The following ERC2 variants were observed in gnomAD, a reference collection of about 807,000 sequenced individuals.
ERC2 encodes ELKS/RAB6-interacting/CAST family member 2, also known as ERC protein 2.
ERC2 carries 42 observed loss-of-function variants against 114.8 expected under a neutral mutation model. The observed-to-expected ratio is 0.37, with a 90% CI of 0.29 to 0.47. The LOEUF (loss-of-function observed/expected upper bound fraction) is 0.47, where lower values mean the gene tolerates loss of function less well. Among genes scored for constraint, ERC2 ranks in the 20% least tolerant of loss-of-function variants. ERC2 has a pLI of 0.99. For synonymous variants in ERC2, 454 were observed against 425.5 expected (o/e 1.07, Z -0.82); for missense variants, 939 against 1,150.7 (o/e 0.82, Z 2.66).
At chr3:56,261,451 C>G (rs62253611) in intron 3 of ERC2, among the ~76,000 whole-genome samples, 2 of 152,148 alleles carry the variant, frequency 1.3e-5, no homozygotes, top group East Asian at 1.9e-4. Context: ...CCTCCCCTAC[C>G]TTTCACCCTG....
chr3:55,744,845 C>G (rs1418335591), intron 14 of ERC2, among the ~76,000 whole-genome samples: 1 of 152,190 alleles, frequency 6.6e-6, no homozygotes, highest in African/African-American at 2.4e-5. Context: ...GCAGTCAAGA[C>G]CCTCTACCGG....
At chr3:55,863,434 G>A (rs2062113471) in intron 14 of ERC2, among the ~76,000 whole-genome samples, 1 of 152,098 alleles carries the variant, frequency 6.6e-6, no homozygotes. Context: ...TTTATTTTGT[G>A]TGTTAGAGAA....
intron 1 of ERC2, among the ~76,000 whole-genome samples, chr3:56,461,509 G>A (rs913980719): frequency 2.6e-5 from 4 of 152,132 alleles, no homozygotes; most frequent in African/African-American, 9.7e-5. Flanking sequence ...AAATATTCTA[G>A]CATGGAAGTG....
intron 12 of ERC2, among the ~76,000 whole-genome samples, chr3:55,951,534 C>T (rs894691054): frequency 1.3e-5 from 2 of 152,112 alleles, no homozygotes; most frequent in Non-Finnish European, 2.9e-5. Context: ...TACTATTGCA[C>T]CAGCAGCTTT....
chr3:55,701,452 C>A (rs928705355), intron 15 of ERC2, among the ~76,000 whole-genome samples: 1 of 152,132 alleles, frequency 6.6e-6, no homozygotes, highest in African/African-American at 2.4e-5. Flanking sequence ...GGAAACACCT[C>A]ACATCCCAAT....
At chr3:55,581,093 T>G (rs2057238494) in intron 17 of ERC2, among the ~76,000 whole-genome samples, 1 of 152,174 alleles carries the variant, frequency 6.6e-6, no homozygotes, top group African/African-American at 2.4e-5. Flanking sequence ...TGTGCTCCTC[T>G]AACTAGGGGG....
chr3:56,184,902 A>G (rs377137716), intron 3 of ERC2, among the ~76,000 whole-genome samples: 1 of 152,290 alleles, frequency 6.6e-6, no homozygotes, highest in South Asian at 2.1e-4. Context: ...GTGGGTGATT[A>G]ATCTTCAACC....
At chr3:56,128,894 C>T (rs993475339) in intron 6 of ERC2, among the ~76,000 whole-genome samples, 4 of 152,132 alleles carry the variant, frequency 2.6e-5, no homozygotes, top group African/African-American at 9.7e-5. Flanking sequence ...GAATCTGTCC[C>T]GTTTCAAATT....
At chr3:56,355,485 T>A (rs115524651) in intron 2 of ERC2, among the ~76,000 whole-genome samples, 3,431 of 151,890 alleles carry the variant, frequency 0.023, 41 homozygotes, top group South Asian at 0.07. Context: ...GCTCGGATAA[T>A]TTTTTTTGTA....
intron 3 of ERC2, among the ~76,000 whole-genome samples, chr3:56,193,591 G>A (rs916993649): frequency 6.6e-6 from 1 of 151,884 alleles, no homozygotes; most frequent in East Asian, 1.9e-4. Context: ...TTGTAAATCT[G>A]TACTTTCTAA....
At chr3:56,422,153 C>T (rs756644433) in intron 2 of ERC2, among the ~76,000 whole-genome samples, 5 of 152,074 alleles carry the variant, frequency 3.3e-5, no homozygotes, top group East Asian at 1.9e-4. Context: ...AGGAGGCCAG[C>T]GAGGTACTCT....
intron 12 of ERC2, among the ~76,000 whole-genome samples, chr3:55,953,715 G>A (rs541012165): frequency 1.8e-4 from 28 of 152,044 alleles, no homozygotes; most frequent in Non-Finnish European, 4.0e-4. Flanking sequence ...TACAGGTAGA[G>A]GAGTCATGAA....
chr3:55,780,693 G>C (rs918096660), intron 14 of ERC2, among the ~76,000 whole-genome samples: 1 of 152,130 alleles, frequency 6.6e-6, no homozygotes, highest in African/African-American at 2.4e-5. Context: ...ATTCAGAAAA[G>C]TTCACTCCTC....
chr3:56,442,598 A>G (rs1177819808), intron 1 of ERC2, among the ~76,000 whole-genome samples: 1 of 152,166 alleles, frequency 6.6e-6, no homozygotes, highest in Non-Finnish European at 1.5e-5. Context: ...AGTCTGACAA[A>G]TGTTCAGATA....
chr3:55,845,498 C>G (rs182449351), intron 14 of ERC2, among the ~76,000 whole-genome samples: 1 of 90,114 alleles, frequency 1.1e-5, no homozygotes, highest in Non-Finnish European at 2.1e-5. Context: ...AGCGAGACTC[C>G]GTCTCAAAAA....
chr3:55,800,161 C>T (rs988768603), intron 14 of ERC2, among the ~76,000 whole-genome samples: 11 of 151,908 alleles, frequency 7.2e-5, no homozygotes, highest in South Asian at 2.1e-4. Flanking sequence ...TTCTTTGTTT[C>T]GTGGAGTCTT....
chr3:55,804,142 T>C (rs148307891), intron 14 of ERC2, among the ~76,000 whole-genome samples: 5 of 152,298 alleles, frequency 3.3e-5, no homozygotes, highest in East Asian at 3.9e-4. Context: ...GATTAAGAGA[T>C]TGAAAACAAT....
At chr3:55,569,522 T>C (rs2056580973) in intron 17 of ERC2, among the ~76,000 whole-genome samples, 1 of 152,218 alleles carries the variant, frequency 6.6e-6, no homozygotes, top group Non-Finnish European at 1.5e-5. Flanking sequence ...ATATTCTTTG[T>C]ACCAATTACT....
chr3:55,723,497 A>C (rs528463312), intron 15 of ERC2, among the ~76,000 whole-genome samples: 3 of 152,310 alleles, frequency 2.0e-5, no homozygotes, highest in East Asian at 1.9e-4. Context: ...TTGAAAAAAA[A>C]CAATAAACAA....
Sources: allele counts gnomAD v4.1 joint callset (sites outside exome capture counted in the v4.1 genomes callset), GRCh38; gene constraint gnomAD v4.1.1; transcripts MANE v1.5; gene names NCBI Gene and HGNC (gene_info 2026-07-23, HGNC 2026-07-21).